MBOAT1: variants seen among roughly 807,000 people sequenced by gnomAD.
MBOAT1 encodes membrane bound glycerophospholipid O-acyltransferase 1.
In MBOAT1, 67 loss-of-function variants were observed where a neutral mutation model predicts 64.4. That is an observed-to-expected ratio of 1.04 (90% CI 0.85 to 1.27). The LOEUF is 1.27. Ranked by LOEUF, MBOAT1 falls within the 50% of genes most tolerant of loss-of-function variation. The pLI is 0.00. For synonymous variants in MBOAT1, 229 were observed against 218.9 expected (o/e 1.05, Z -0.41); for missense variants, 563 against 604.6 (o/e 0.93, Z 0.72).
At chr6:20,187,568 A>C (rs1382996717) in intron 1 of MBOAT1, among the ~76,000 whole-genome samples, 1 of 152,272 alleles carries the variant, frequency 6.6e-6, no homozygotes, top group African/African-American at 2.4e-5. Flanking sequence ...CTACAAAACC[A>C]GAAAAGATTC....
rs774592477 is a variant in MBOAT1 at position 20,102,244 on chromosome 6, G to C, written c.*42C>G. Reference sequence around the variant, plus strand: ...TTGAAGCCTTGTCATCTCATCTTTCGAACGTTCTGCAGTTTTGCTTGTTCC... The same window carrying C: ...TTGAAGCCTTGTCATCTCATCTTTCCAACGTTCTGCAGTTTTGCTTGTTCC... On this transcript the variant is annotated 3_prime_UTR_variant, in exon 13 of 13. Coordinates refer to ENST00000324607, the MANE Select transcript of MBOAT1 (RefSeq NM_001080480.3). 18 of 1,588,448 alleles carry C rather than the reference G, an allele frequency of 1.1e-5. 1 individual carries two copies. In the South Asian group the frequency reaches 1.5e-4, roughly 13 times the overall value.
intron 2 of MBOAT1, among the ~76,000 whole-genome samples, chr6:20,152,326 C>CAAAA (rs60553927): frequency 1.0e-5 from 1 of 97,090 alleles, no homozygotes; most frequent in African/African-American, 4.2e-5. Context: ...GACTCCGTCT[C>CAAAA]AAAAAAAAAA....
At chr6:20,159,740 A>G (rs766935622) in intron 1 of MBOAT1, among the ~76,000 whole-genome samples, 12 of 152,222 alleles carry the variant, frequency 7.9e-5, no homozygotes, top group Non-Finnish European at 2.9e-5. Flanking sequence ...CATATGTATC[A>G]AAACATCACA....
rs539282746 is a variant in MBOAT1 at position 20,185,876 on chromosome 6, A to G, written c.99+26260T>C. On this transcript the variant is annotated intron_variant, in intron 1 of 12. Coordinates refer to ENST00000324607, the MANE Select transcript of MBOAT1 (RefSeq NM_001080480.3). ...CAAGGCTTCATAGGTAGTTAATATC[A>G]ATTCTACCTGCTGTCTCCCATCAAT... Among the ~76,000 whole-genome samples the G allele has an allele frequency of 2.3e-4, 35 of 152,274 alleles. No individual in the cohort carries two copies. In the South Asian group the frequency reaches 7.3e-3, roughly 32 times the overall value.
chr6:20,123,825 G>A (rs1311512573), intron 8 of MBOAT1, among the ~76,000 whole-genome samples: 1 of 152,128 alleles, frequency 6.6e-6, no homozygotes, highest in Non-Finnish European at 1.5e-5. Flanking sequence ...GGGAGGCCAG[G>A]GCGGGCAGAT....
chr6:20,187,431 C>T (rs540193865), intron 1 of MBOAT1, among the ~76,000 whole-genome samples: 53 of 152,364 alleles, frequency 3.5e-4, no homozygotes, highest in African/African-American at 1.1e-3. Flanking sequence ...CTAATGCATA[C>T]GGTGGGTGTT....
At chr6:20,138,819 T>C (rs550694570) in intron 4 of MBOAT1, among the ~76,000 whole-genome samples, 39 of 152,336 alleles carry the variant, frequency 2.6e-4, no homozygotes, top group African/African-American at 8.9e-4. Context: ...AACAAAAATG[T>C]CTTCTCTCAC....
intron 2 of MBOAT1, 123 bp from the exon 3 acceptor site, chr6:20,151,385 A>G: frequency 1.6e-6 from 1 of 633,370 alleles, no homozygotes; most frequent in Middle Eastern, 2.6e-4. Context: ...AATGATCAGT[A>G]ACTCATGTTT....
intron 1 of MBOAT1, among the ~76,000 whole-genome samples, chr6:20,192,467 T>A (rs1273759293): frequency 1.3e-5 from 2 of 152,098 alleles, no homozygotes; most frequent in Admixed American, 1.3e-4. Flanking sequence ...ATTAAGAGAG[T>A]CCCAAGAACA....
chr6:20,170,984 G>C (rs1459927536), intron 1 of MBOAT1, among the ~76,000 whole-genome samples: 2 of 152,130 alleles, frequency 1.3e-5, no homozygotes, highest in Non-Finnish European at 2.9e-5. Flanking sequence ...TTTTTAAAAT[G>C]TAGAAAAGGG....
rs766191963 is a variant in MBOAT1 at position 20,124,533 on chromosome 6, G to T, written c.782C>A (p.Thr261Asn). 1.2e-6 allele frequency: 2 copies of T among 1,614,212 alleles called. No individual in the cohort carries two copies. Among genetic ancestry groups the T allele is most frequent in the Non-Finnish European group, 1.7e-6 (2 of 1,180,040 alleles). ...ATCCACAAGGCAGGTGACAGGAAAG[G>T]TCTTCGTTAGCGTCAAAAACAAAAG... is the stretch of plus-strand genomic sequence containing the variant. ...SLLLFLTLTK[T>N]FPVTCLVDDW... Residue 261 changes from threonine to asparagine, a missense_variant, in exon 8 of 13, where the codon ACC becomes AAC. By Grantham distance (65) the Thr-to-Asn change is moderately conservative (BLOSUM62 0). Transcript: ENST00000324607.
At chr6:20,179,753 T>C (rs1762458356) in intron 1 of MBOAT1, among the ~76,000 whole-genome samples, 1 of 152,240 alleles carries the variant, frequency 6.6e-6, no homozygotes, top group South Asian at 2.1e-4. Context: ...TCCACAATGG[T>C]TGAACTATTT....
At chr6:20,108,002 G>A (rs1760011398) in intron 12 of MBOAT1, among the ~76,000 whole-genome samples, 1 of 152,158 alleles carries the variant, frequency 6.6e-6, no homozygotes, top group African/African-American at 2.4e-5. Flanking sequence ...ATTGGAGCCG[G>A]AAGCATGTGG....
At chr6:20,200,606 A>T (rs1763094336) in intron 1 of MBOAT1, among the ~76,000 whole-genome samples, 1 of 152,170 alleles carries the variant, frequency 6.6e-6, no homozygotes, top group South Asian at 2.1e-4. Context: ...TTAAGGGGAC[A>T]CTAGAAACAA....
intron 1 of MBOAT1, among the ~76,000 whole-genome samples, chr6:20,198,323 C>G (rs888102486): frequency 6.6e-6 from 1 of 152,134 alleles, no homozygotes; most frequent in Non-Finnish European, 1.5e-5. Context: ...CTTCTAAAAT[C>G]CTGCAAGTCA....
chr6:20,184,880 A>AGTGTGTGT (rs58865791), intron 1 of MBOAT1, among the ~76,000 whole-genome samples: 1,909 of 142,930 alleles, frequency 0.013, 57 homozygotes, highest in East Asian at 0.079. Flanking sequence ...TTATAACTGC[A>AGTGTGTGT]GTGTGTGTGT....
intron 2 of MBOAT1, among the ~76,000 whole-genome samples, chr6:20,152,346 T>G (rs149564745): frequency 1.8e-5 from 1 of 56,304 alleles, no homozygotes; most frequent in African/African-American, 4.4e-5. Flanking sequence ...AAATAAAAAA[T>G]AAATAAATAA....
chr6:20,139,855 T>C (rs1289364363), intron 4 of MBOAT1, among the ~76,000 whole-genome samples: 1 of 152,174 alleles, frequency 6.6e-6, no homozygotes, highest in African/African-American at 2.4e-5. Context: ...GTGCCCAGCC[T>C]TAACTTTCTA....
At chr6:20,124,036 G>A (rs556682091) in intron 8 of MBOAT1, among the ~76,000 whole-genome samples, 8 of 152,186 alleles carry the variant, frequency 5.3e-5, no homozygotes, top group African/African-American at 1.7e-4. Flanking sequence ...CAGCCTGGGC[G>A]ACAGAGTGAG....
Sources: allele counts gnomAD v4.1 joint callset (sites outside exome capture counted in the v4.1 genomes callset), GRCh38; gene constraint gnomAD v4.1.1; transcripts MANE v1.5; gene names NCBI Gene and HGNC (gene_info 2026-07-23, HGNC 2026-07-21).